Variants in RTTN observed in about 807,000 individuals in gnomAD.
RTTN encodes the protein rotatin.
In RTTN, 182 loss-of-function variants were observed where a neutral mutation model predicts 269.2. The observed-to-expected ratio is 0.68, with a 90% confidence interval of 0.60 to 0.76. The LOEUF is 0.76. Among genes scored for constraint, RTTN ranks in the 30% least tolerant of loss-of-function variants. The probability of loss-of-function intolerance (pLI) is 0.00; values close to 1 mark genes in which losing one functional copy is unlikely to be tolerated. For missense variants in RTTN, 2,545 were observed against 2,608.6 expected (o/e 0.98, Z 0.53); for synonymous variants, 1,006 against 963.5 (o/e 1.04, Z -0.82).
chr18:70,148,011 C>T (rs1210541442), intron 17 of RTTN, among the ~76,000 whole-genome samples: 2 of 152,128 alleles, frequency 1.3e-5, no homozygotes, highest in African/African-American at 4.8e-5. Flanking sequence ...CTCTACAATA[C>T]AGAGATATTT....
intron 40 of RTTN, among the ~76,000 whole-genome samples, chr18:70,034,576 G>A (rs2057114951): frequency 6.6e-6 from 1 of 152,190 alleles, no homozygotes; most frequent in African/African-American, 2.4e-5. Flanking sequence ...TGACAAACCT[G>A]CTGTCTACAT....
intron 30 of RTTN, among the ~76,000 whole-genome samples, chr18:70,090,523 A>G (rs1257558122): frequency 6.6e-6 from 1 of 152,194 alleles, no homozygotes; most frequent in African/African-American, 2.4e-5. Context: ...TGAATGATGT[A>G]GGCATTGTGA....
intron 40 of RTTN, among the ~76,000 whole-genome samples, chr18:70,037,933 A>G (rs1343732291): frequency 6.6e-6 from 1 of 152,212 alleles, no homozygotes; most frequent in Non-Finnish European, 1.5e-5. Context: ...GAATGACAGA[A>G]GTGCCCTTGG....
At chr18:70,037,573 T>C (rs1215908483) in intron 40 of RTTN, among the ~76,000 whole-genome samples, 1 of 152,162 alleles carries the variant, frequency 6.6e-6, no homozygotes, top group Non-Finnish European at 1.5e-5. Context: ...CATTACTTGC[T>C]GACTAAAGAG....
At chr18:70,063,990 A>G (rs1404603280) in intron 35 of RTTN, among the ~76,000 whole-genome samples, 1 of 120,760 alleles carries the variant, frequency 8.3e-6, no homozygotes, top group Non-Finnish European at 1.6e-5. Context: ...TTGGTCATAT[A>G]TATGTGCTGA....
intron 40 of RTTN, among the ~76,000 whole-genome samples, chr18:70,033,116 G>A (rs1350844754): frequency 6.6e-6 from 1 of 152,208 alleles, no homozygotes; most frequent in East Asian, 1.9e-4. Context: ...GTTCTCGTGA[G>A]ATCTGGTTGT....
rs1290703003 is a variant in RTTN, at chr18:70,028,784, T to C, written c.5763A>G (p.Lys1921=). Residue 1921 remains lysine (K), a synonymous_variant, in exon 43 of 49, where the codon AAA becomes AAG. Transcript: ENST00000640769. ...ALKKKEDGVI[K]ELSIAMQLLR... is the part of the protein sequence containing the mutation. ...GGAGCTGCATGGCAATGCTTAACTC[T>C]TTAATAACACCATCCTCCTATTTAA... is the stretch of plus-strand genomic sequence containing the variant. The C allele has an allele frequency of 1.2e-6, 2 of 1,610,942 alleles. No individual in the cohort carries two copies. Among genetic ancestry groups the C allele is most frequent in the African/African-American group, 1.3e-5 (1 of 74,876 alleles).
chr18:70,112,675 T>TA (rs541861381), intron 27 of RTTN, among the ~76,000 whole-genome samples: 26 of 152,176 alleles, frequency 1.7e-4, no homozygotes, highest in Middle Eastern at 3.4e-3. Flanking sequence ...AGCAAGTTCT[T>TA]AGAGACCTAC....
intron 27 of RTTN, among the ~76,000 whole-genome samples, chr18:70,114,186 G>C (rs1050553970): frequency 6.6e-6 from 1 of 151,974 alleles, no homozygotes; most frequent in East Asian, 1.9e-4. Flanking sequence ...AGAGAACCAG[G>C]AATTAAACCC....
intron 10 of RTTN, among the ~76,000 whole-genome samples, chr18:70,185,132 G>T (rs1473384005): frequency 6.6e-6 from 1 of 151,578 alleles, no homozygotes; most frequent in East Asian, 1.9e-4. Context: ...ATAGTGCTGA[G>T]AAAATAATTG....
At chr18:70,020,472 G>T in intron 45 of RTTN, 143 bp downstream of exon 45, 1 of 776,486 alleles carries the variant, frequency 1.3e-6, no homozygotes, top group African/African-American at 1.7e-5. Flanking sequence ...TAAACAAAGT[G>T]AACCTCTTAA....
chr18:70,061,020 C>T (rs1400675605), intron 35 of RTTN, among the ~76,000 whole-genome samples: 3 of 151,906 alleles, frequency 2.0e-5, no homozygotes, highest in East Asian at 1.9e-4. Context: ...TAGACTGATT[C>T]CCTATCTTGG....
chr18:70,106,288 T>C (rs1173939974), intron 28 of RTTN, among the ~76,000 whole-genome samples: 1 of 152,164 alleles, frequency 6.6e-6, no homozygotes, highest in Non-Finnish European at 1.5e-5. Context: ...GAGGCTGTAG[T>C]GAGCTGTGAT....
intron 8 of RTTN, among the ~76,000 whole-genome samples, chr18:70,192,225 A>C (rs1304805807): frequency 6.6e-6 from 1 of 152,232 alleles, no homozygotes; most frequent in Non-Finnish European, 1.5e-5. Flanking sequence ...TATTGCAAGA[A>C]AATAATTAAG....
intron 26 of RTTN, among the ~76,000 whole-genome samples, chr18:70,116,528 T>C (rs983992604): frequency 5.3e-5 from 8 of 151,966 alleles, no homozygotes; most frequent in Non-Finnish European, 7.4e-5. Context: ...TCAAGTACAA[T>C]AGAGTAGAAT....
intron 14 of RTTN, among the ~76,000 whole-genome samples, chr18:70,155,361 A>C (rs2060646353): frequency 6.6e-6 from 1 of 152,244 alleles, no homozygotes. Context: ...TAAAATAAAC[A>C]ACATAAGGAA....
intron 9 of RTTN, 77 bp downstream of exon 9, chr18:70,190,461 A>AG (rs1181783983): frequency 7.9e-6 from 9 of 1,133,444 alleles, no homozygotes; most frequent in Admixed American, 2.0e-5. Flanking sequence ...AACATAGAAG[A>AG]GAAAAAAAGG....
At chr18:70,151,229 C>T (rs2060530280) in intron 14 of RTTN, among the ~76,000 whole-genome samples, 1 of 147,208 alleles carries the variant, frequency 6.8e-6, no homozygotes. Flanking sequence ...ATTTTTTATG[C>T]TACATATTTA....
intron 25 of RTTN, among the ~76,000 whole-genome samples, chr18:70,125,922 T>C (rs145648412): frequency 6.6e-6 from 1 of 152,206 alleles, no homozygotes; most frequent in East Asian, 1.9e-4. Context: ...TTTTGATACA[T>C]TCCTTAGTGA....
Sources: gnomAD v4.1 joint callset for allele counts (sites outside exome capture counted in the v4.1 genomes callset) on GRCh38, gnomAD v4.1.1 for gene constraint, MANE v1.5 for transcripts, NCBI Gene and HGNC (gene_info 2026-07-23, HGNC 2026-07-21) for gene names.